Variants in TMEM26 observed in about 807,000 individuals in gnomAD.
TMEM26 encodes the protein transmembrane protein 26.
A neutral mutation model predicts 28.8 loss-of-function variants in TMEM26; 38 were observed. That is an observed-to-expected ratio of 1.32 (90% CI 1.02 to 1.73). TMEM26 has a LOEUF of 1.73. Ranked by LOEUF, TMEM26 falls within the 40% of genes most tolerant of loss-of-function variation. The pLI, the probability that TMEM26 is intolerant of heterozygous loss-of-function variation, is 0.00. For missense variants in TMEM26, 518 were observed against 447.1 expected (o/e 1.16, Z -1.43); for synonymous variants, 227 against 182.9 (o/e 1.24, Z -1.95).
chr10:61,413,225 G>A (rs554470874), intron 5 of TMEM26, among the ~76,000 whole-genome samples: 2 of 152,046 alleles, frequency 1.3e-5, no homozygotes, highest in African/African-American at 4.8e-5. Context: ...GCTATTTGAA[G>A]TAAATATAAC....
At chr10:61,413,753 A>G in intron 4 of TMEM26, 2 of 1,229,584 alleles carry the variant, frequency 1.6e-6, no homozygotes, top group Non-Finnish European at 2.0e-6. Flanking sequence ...CAACATATGC[A>G]TGAATTATGA....
chr10:61,453,161 G>T lies in TMEM26; in HGVS notation c.-80C>A. On this transcript the variant is annotated 5_prime_UTR_variant, in exon 1 of 6. Transcript: ENST00000399298. ...GGGCGTGCCCGGAGCCCACCGGTGA[G>T]CAGGAATATGACAAGCACTGAGACC... The T allele has an allele frequency of 2.1e-6, 3 of 1,452,358 alleles. No homozygotes were observed. The highest frequency in any genetic ancestry group is 2.8e-6 in the Non-Finnish European group (3 of 1,061,748). 90.0% of individuals were successfully genotyped at this position (1,452,358 alleles called of 1,614,324 possible). A position where few individuals can be genotyped will look rare whatever the true frequency, so the allele number is the denominator to read the frequency against.
At chr10:61,442,003 T>C (rs1390621236) in intron 1 of TMEM26, among the ~76,000 whole-genome samples, 1 of 152,122 alleles carries the variant, frequency 6.6e-6, no homozygotes, top group East Asian at 1.9e-4. Context: ...TTTTTTTCTT[T>C]ATATATTTAC....
chr10:61,414,749 C>T (rs1161253297), intron 4 of TMEM26: 3 of 153,344 alleles, frequency 2.0e-5, no homozygotes, highest in African/African-American at 7.2e-5. Context: ...TACGAAGCAT[C>T]AGCACAGGTC....
chr10:61,444,652 T>TA (rs1589044508), intron 1 of TMEM26, among the ~76,000 whole-genome samples: 1 of 120,028 alleles, frequency 8.3e-6, no homozygotes, highest in African/African-American at 3.6e-5. Flanking sequence ...CCCTCATAAT[T>TA]TAAAAAAAAA....
chr10:61,449,521 A>G (rs556140567), intron 1 of TMEM26, among the ~76,000 whole-genome samples: 4 of 152,314 alleles, frequency 2.6e-5, no homozygotes, highest in African/African-American at 9.6e-5. Context: ...TATTTAGTTC[A>G]CATTTTCCTC....
intron 4 of TMEM26, among the ~76,000 whole-genome samples, chr10:61,425,489 C>T (rs141409765): frequency 5.9e-4 from 89 of 151,984 alleles, no homozygotes; most frequent in African/African-American, 2.1e-3. Flanking sequence ...AGAAGATAAA[C>T]ATTAAAAAAT....
intron 4 of TMEM26, among the ~76,000 whole-genome samples, chr10:61,421,593 G>A (rs936446664): frequency 2.0e-5 from 3 of 152,048 alleles, no homozygotes; most frequent in Non-Finnish European, 4.4e-5. Context: ...AGACACACTG[G>A]GGTGAATGCC....
chr10:61,438,109 A>G (rs569563321), intron 1 of TMEM26, among the ~76,000 whole-genome samples: 1 of 152,252 alleles, frequency 6.6e-6, no homozygotes, highest in South Asian at 2.1e-4. Context: ...GGAAGGGAGA[A>G]AGGGCAAGAG....
Position 61,408,113 on chromosome 10 carries a change from T to C in TMEM26, c.*2209A>G, listed in dbSNP as rs1839518461. On this transcript the variant is annotated 3_prime_UTR_variant, in exon 6 of 6. Transcript: ENST00000399298. ...TATAAAAGCAGCCAGTATAAGAGAG[T>C]AGGAGTACTGGCAGCTAGGTTAACA... 6.6e-6 allele frequency: 1 copy of C among 151,580 alleles called. No individual in the cohort carries two copies. The highest frequency in any genetic ancestry group is 1.5e-5 in the Non-Finnish European group (1 of 67,904). The allele number at this position is 151,580 out of a possible 1,614,324, so 9.4% of individuals were successfully genotyped here.
At chr10:61,443,380 G>T (rs1431540613) in intron 1 of TMEM26, among the ~76,000 whole-genome samples, 1 of 151,968 alleles carries the variant, frequency 6.6e-6, no homozygotes, top group Admixed American at 6.6e-5. Flanking sequence ...CAGGAGAATG[G>T]TGTGAACCTG....
chr10:61,426,034 TCC>T (rs1405557093), intron 4 of TMEM26, among the ~76,000 whole-genome samples: 6 of 152,104 alleles, frequency 3.9e-5, no homozygotes, highest in African/African-American at 1.4e-4. Flanking sequence ...CTGGAAGTTA[TCC>T]ACATGTACAT....
intron 1 of TMEM26, among the ~76,000 whole-genome samples, chr10:61,441,365 T>C (rs1176603307): frequency 6.6e-6 from 1 of 152,248 alleles, no homozygotes; most frequent in East Asian, 1.9e-4. Context: ...TTATATGTTC[T>C]GCTCCTATGA....
rs570648649 is a variant in TMEM26, at chr10:61,427,013, A to G, written c.605+1913T>C. On this transcript the variant is annotated intron_variant, in intron 4 of 5. Coordinates refer to ENST00000399298, the MANE Select transcript of TMEM26 (RefSeq NM_178505.8). ...GGATATCTGAGTAATAGAGGCACAT[A>G]GAACTTGAATGGGAATTACAGAAGG... 5.9e-5 allele frequency among the ~76,000 whole-genome samples: 9 copies of G among 152,174 alleles called. No homozygotes were observed. In the South Asian group the frequency reaches 1.9e-3, roughly 32 times the overall value.
In TMEM26 at chr10:61,409,439, A is replaced by G. The variant is rs1224717553; in HGVS notation, c.*883T>C. 6.6e-6 allele frequency: 1 copy of G among 152,262 alleles called. No individual in the cohort carries two copies. Among genetic ancestry groups the G allele is most frequent in the Non-Finnish European group, 1.5e-5 (1 of 68,080 alleles). The allele number at this position is 152,262 out of a possible 1,614,324, so 9.4% of individuals were successfully genotyped here. On this transcript the variant is annotated 3_prime_UTR_variant, in exon 6 of 6. Transcript: ENST00000399298. ...TGCTGGCAGACACCAGAAACCATGGAAACACTTACAGGGCCCGAAACACCT... is the reference window on the plus strand; with the variant it reads ...TGCTGGCAGACACCAGAAACCATGGGAACACTTACAGGGCCCGAAACACCT...
chr10:61,410,393 A>T lies in TMEM26; in HGVS notation c.1036T>A (p.Ser346Thr). 1 of 1,613,374 alleles carries T rather than the reference A, an allele frequency of 6.2e-7. No homozygotes were observed. The highest frequency in any genetic ancestry group is 8.5e-7 in the Non-Finnish European group (1 of 1,179,874). Reference protein sequence around the residue: ...GPSQRDWQNESKEGLAIPLRG... With the variant: ...GPSQRDWQNETKEGLAIPLRG... ...AAAGGAATAGCCAGGCCCTCCTTAG[A>T]CTCGTTCTGCCAGTCCCGCTGAGAG... is the stretch of plus-strand genomic sequence containing the variant. Residue 346 changes from serine (S) to threonine (T), a missense_variant, in exon 6 of 6, where the codon TCT becomes ACT. Transcript: ENST00000399298.
intron 1 of TMEM26, among the ~76,000 whole-genome samples, chr10:61,442,452 T>G (rs1840110154): frequency 6.6e-6 from 1 of 152,204 alleles, no homozygotes; most frequent in South Asian, 2.1e-4. Flanking sequence ...CTGTCTGTCT[T>G]CTGATCATAT....
At chr10:61,415,419 A>T (rs1839635866) in intron 4 of TMEM26, among the ~76,000 whole-genome samples, 1 of 152,066 alleles carries the variant, frequency 6.6e-6, no homozygotes, top group Admixed American at 6.6e-5. Flanking sequence ...GATGTTCAAT[A>T]AGTGCCTGAA....
intron 3 of TMEM26, among the ~76,000 whole-genome samples, chr10:61,429,431 C>T (rs760464873): frequency 5.3e-5 from 8 of 151,886 alleles, no homozygotes; most frequent in Non-Finnish European, 1.2e-4. Context: ...ACCAATTTTA[C>T]AATGTTTTAA....
Sources: gnomAD v4.1 joint callset for allele counts (sites outside exome capture counted in the v4.1 genomes callset) on GRCh38, gnomAD v4.1.1 for gene constraint, MANE v1.5 for transcripts, NCBI Gene and HGNC (gene_info 2026-07-23, HGNC 2026-07-21) for gene names.